KCNK1: variants seen among roughly 807,000 people sequenced by gnomAD.
The protein encoded by KCNK1 is potassium channel subfamily K member 1.
In KCNK1, 10 loss-of-function variants were observed where a neutral mutation model predicts 22.2. That is an observed-to-expected ratio of 0.45 (90% confidence interval 0.28 to 0.76). KCNK1 has a LOEUF of 0.76. Among genes scored for constraint, KCNK1 ranks in the 30% least tolerant of loss-of-function variants. The pLI is 0.14. For synonymous variants in KCNK1, 200 were observed against 186.4 expected (o/e 1.07, Z -0.60); for missense variants, 378 against 421.0 (o/e 0.90, Z 0.89).
intron 1 of KCNK1, among the ~76,000 whole-genome samples, chr1:233,651,295 C>T (rs1220173169): frequency 2.0e-5 from 3 of 152,156 alleles, no homozygotes; most frequent in Non-Finnish European, 4.4e-5. Context: ...AAACCTCATT[C>T]TAAAAGTGCA....
intron 1 of KCNK1, among the ~76,000 whole-genome samples, chr1:233,639,303 A>G (rs187669754): frequency 5.9e-5 from 9 of 152,344 alleles, no homozygotes; most frequent in South Asian, 2.1e-4. Flanking sequence ...TATATTTTTC[A>G]TAAGACAAGA....
chr1:233,632,797 A>G (rs1056093271), intron 1 of KCNK1, among the ~76,000 whole-genome samples: 2 of 151,662 alleles, frequency 1.3e-5, no homozygotes, highest in Admixed American at 6.6e-5. Flanking sequence ...CTGACTGGCA[A>G]CTCTGCTTTC....
At chr1:233,623,231 AG>A (rs1310001693) in intron 1 of KCNK1, among the ~76,000 whole-genome samples, 2 of 151,364 alleles carry the variant, frequency 1.3e-5, no homozygotes, top group Non-Finnish European at 2.9e-5. Flanking sequence ...GAAAAAAAAA[AG>A]GTTGGCTTTA....
At chr1:233,663,184 A>C (rs1405528285) in intron 1 of KCNK1, among the ~76,000 whole-genome samples, 1 of 152,190 alleles carries the variant, frequency 6.6e-6, no homozygotes, top group Non-Finnish European at 1.5e-5. Flanking sequence ...ATGAGATGTA[A>C]ATTTTATATT....
chr1:233,671,291 A>ATTGCCATGTTGGTAGTTCTGGAAACCTTC lies in KCNK1; in HGVS notation c.774_802dup (p.Cys268LeufsTer5). 1 of 1,614,182 alleles carries ATTGCCATGTTGGTAGTTCTGGAAACCTTC rather than the reference A, an allele frequency of 6.2e-7. No homozygotes were observed. Among genetic ancestry groups the ATTGCCATGTTGGTAGTTCTGGAAACCTTC allele is most frequent in the Non-Finnish European group, 8.5e-7 (1 of 1,180,010 alleles). The stretch of plus-strand genomic sequence containing the variant: ...CACAGGTTACCTGCTACTTGGCCTT[A>ATTGCCATGTTGGTAGTTCTGGAAACCTTC]TTGCCATGTTGGTAGTTCTGGAAAC... On this transcript the variant is annotated frameshift_variant, in exon 3 of 3. Coordinates refer to ENST00000366621, the MANE Select transcript of KCNK1 (RefSeq NM_002245.4). LOFTEE classifies it high-confidence loss of function.
chr1:233,643,090 C>T (rs1658032036), intron 1 of KCNK1, among the ~76,000 whole-genome samples: 1 of 151,824 alleles, frequency 6.6e-6, no homozygotes, highest in Non-Finnish European at 1.5e-5. Context: ...CTCTTGGTGC[C>T]ATTTTAATGT....
chr1:233,630,322 C>T (rs980893617), intron 1 of KCNK1, among the ~76,000 whole-genome samples: 1 of 152,166 alleles, frequency 6.6e-6, no homozygotes, highest in African/African-American at 2.4e-5. Context: ...TCAGTTCCTA[C>T]GTCACTGAGT....
chr1:233,614,526 G>C lies in KCNK1; in HGVS notation c.355G>C (p.Gly119Arg), dbSNP rs1283903030. Residue 119 changes from glycine to arginine, a missense_variant and splice_region_variant, in exon 1 of 3, where the codon GGT (glycine) becomes CGT (arginine). Physicochemically the swap from Gly to Arg is moderately radical, Grantham distance 125 (BLOSUM62 -2). Coordinates refer to ENST00000366621, the MANE Select transcript of KCNK1 (RefSeq NM_002245.4). ...CGCCAGCACCGTGCTCTCCACCACA[G>C]GTAGGGTATCCTGCGCGCCCCCTGG... The part of the protein sequence containing the change: ...FFASTVLSTT[G>R]YGHTVPLSDG... 6.3e-7 allele frequency: 1 copy of C among 1,579,804 alleles called. No homozygotes were observed. Among genetic ancestry groups the C allele is most frequent in the Non-Finnish European group, 8.6e-7 (1 of 1,160,948 alleles).
chr1:233,633,554 A>C (rs960159526), intron 1 of KCNK1, among the ~76,000 whole-genome samples: 4 of 152,320 alleles, frequency 2.6e-5, no homozygotes, highest in Middle Eastern at 3.4e-3. Flanking sequence ...AAATAGGCCT[A>C]TCTCTCTAGA....
Position 233,666,827 on chromosome 1 carries a change from C to T in KCNK1, c.588C>T (p.Phe196=), listed in dbSNP as rs1054535351. 1.2e-6 allele frequency: 2 copies of T among 1,614,212 alleles called. No individual in the cohort carries two copies. The highest frequency in any genetic ancestry group is 4.5e-5 in the East Asian group (2 of 44,870). The change falls in exon 2 of 3, where the codon TTC becomes TTT. Residue 196 remains phenylalanine (F), a synonymous_variant. Transcript: ENST00000366621. ...LLGFVTVSCF[F]FIPAAVFSVL... ...GGTTTGTCACTGTGTCCTGCTTCTT[C>T]TTCATCCCGGCCGCTGTCTTCTCAG...
intron 1 of KCNK1, among the ~76,000 whole-genome samples, chr1:233,650,717 A>G (rs1658184403): frequency 6.6e-6 from 1 of 152,136 alleles, no homozygotes; most frequent in African/African-American, 2.4e-5. Context: ...AGACATAGCT[A>G]ATAAGAAGCA....
intron 1 of KCNK1, among the ~76,000 whole-genome samples, chr1:233,619,969 C>T (rs1048732447): frequency 8.6e-5 from 13 of 151,858 alleles, no homozygotes; most frequent in Non-Finnish European, 1.3e-4. Context: ...ACGAAGTGGG[C>T]GAACTAGGGC....
Position 233,614,450 on chromosome 1 carries a change from C to G in KCNK1, c.279C>G (p.Leu93=). The change falls in exon 1 of 3, where the codon CTC becomes CTG. Residue 93 remains leucine, a synonymous_variant. Transcript: ENST00000366621. ...LEASNYGVSV[L]SNASGNWNWD... is the part of the protein sequence containing the mutation. ...CCAGCAACTACGGCGTGTCGGTGCT[C>G]AGCAACGCCTCGGGCAACTGGAACT... is the stretch of plus-strand genomic sequence containing the variant. 2 of 1,613,334 alleles carry G rather than the reference C, an allele frequency of 1.2e-6. No homozygotes were observed. Among genetic ancestry groups the G allele is most frequent in the Non-Finnish European group, 1.7e-6 (2 of 1,179,780 alleles).
intron 1 of KCNK1, among the ~76,000 whole-genome samples, chr1:233,623,357 T>C (rs983572959): frequency 3.9e-5 from 6 of 152,200 alleles, no homozygotes; most frequent in African/African-American, 1.4e-4. Flanking sequence ...GAATAAGTTC[T>C]GGTTGTCTAT....
chr1:233,638,423 A>AG (rs1491524267), intron 1 of KCNK1, among the ~76,000 whole-genome samples: 159 of 13,082 alleles, frequency 0.012, no homozygotes, highest in East Asian at 0.047. Context: ...AAAAAGAGAG[A>AG]AAAAAAAAAA....
At chr1:233,654,435 G>A (rs574741671) in intron 1 of KCNK1, among the ~76,000 whole-genome samples, 6 of 152,272 alleles carry the variant, frequency 3.9e-5, no homozygotes, top group East Asian at 1.9e-4. Context: ...AAGGTAGAGC[G>A]GTGAACACTG....
chr1:233,631,859 AG>A lies in KCNK1; in HGVS notation c.355+17336del, dbSNP rs1412100380. The stretch of plus-strand genomic sequence containing the variant: ...CTTTTCCCATTAAATGCAGAGGTAG[AG>A]GGAGGAGTTTCATCCGGAAATGTCC... On this transcript the variant is annotated intron_variant, in intron 1 of 2. Transcript: ENST00000366621. 8.5e-5 allele frequency among the ~76,000 whole-genome samples: 13 copies of A among 152,220 alleles called. No homozygotes were observed. In the South Asian group the frequency reaches 1.5e-3, roughly 17 times the overall value.
chr1:233,668,196 A>G (rs775500657), intron 2 of KCNK1, among the ~76,000 whole-genome samples: 2 of 152,122 alleles, frequency 1.3e-5, no homozygotes, highest in African/African-American at 2.4e-5. Flanking sequence ...CTTCTTAAGA[A>G]TTTTTCAATT....
chr1:233,615,344 G>A (rs886138422), intron 1 of KCNK1, among the ~76,000 whole-genome samples: 2 of 152,206 alleles, frequency 1.3e-5, no homozygotes, highest in Non-Finnish European at 2.9e-5. Flanking sequence ...GGGGCGCCCG[G>A]CCATGGAGGA....
Sources: gnomAD v4.1 joint callset for allele counts (sites outside exome capture counted in the v4.1 genomes callset) on GRCh38, gnomAD v4.1.1 for gene constraint, MANE v1.5 for transcripts, NCBI Gene and HGNC (gene_info 2026-07-23, HGNC 2026-07-21) for gene names.